Variants in ABCE1 observed in about 807,000 individuals in gnomAD.
ABCE1 encodes ATP-binding cassette sub-family E member 1.
ABCE1 carries 22 observed loss-of-function variants against 83.4 expected under a neutral mutation model. That is an observed-to-expected ratio of 0.26 (90% confidence interval 0.19 to 0.38). The LOEUF is 0.38. Ranked by LOEUF, ABCE1 falls within the 10% of genes least tolerant of loss-of-function variation. The probability of loss-of-function intolerance (pLI) is 1.00; values close to 1 mark genes in which losing one functional copy is unlikely to be tolerated. For missense variants in ABCE1, 330 were observed against 721.9 expected, an observed-to-expected ratio of 0.46 and a Z score of 6.22; for synonymous variants, 204 against 233.7, an observed-to-expected ratio of 0.87 and a Z score of 1.16.
chr4:145,124,727 A>G (rs113047481), intron 16 of ABCE1, among the ~76,000 whole-genome samples: 2 of 152,242 alleles, frequency 1.3e-5, no homozygotes, highest in African/African-American at 4.8e-5. Context: ...TTCTATCTTA[A>G]ATGTTTCTTT....
chr4:145,117,332 C>T lies in ABCE1; in HGVS notation c.840C>T (p.Asp280=). 6.2e-7 allele frequency: 1 copy of T among 1,609,818 alleles called. No individual in the cohort carries two copies. The highest frequency in any genetic ancestry group is 8.5e-7 in the Non-Finnish European group (1 of 1,177,976). ...TGGAACATGATCTAAGTGTATTAGACTATCTCTCCGACTTCATCTGCTGTT... is the reference window on the plus strand; with the variant it reads ...TGGAACATGATCTAAGTGTATTAGATTATCTCTCCGACTTCATCTGCTGTT... ...IVVEHDLSVL[D]YLSDFICCLY... is the part of the protein sequence containing the mutation. The change falls in exon 10 of 18, where the codon GAC becomes GAT. Residue 280 remains aspartate, a synonymous_variant. Coordinates refer to ENST00000296577, the MANE Select transcript of ABCE1 (RefSeq NM_002940.3).
chr4:145,111,999 C>T (rs1579214805), intron 8 of ABCE1, among the ~76,000 whole-genome samples: 2 of 152,126 alleles, frequency 1.3e-5, no homozygotes, highest in Admixed American at 1.3e-4. Context: ...GTAAATTAGC[C>T]TAACCTGGTA....
At chr4:145,111,516 C>T (rs1288366665) in intron 8 of ABCE1, among the ~76,000 whole-genome samples, 2 of 151,998 alleles carry the variant, frequency 1.3e-5, no homozygotes, top group East Asian at 1.9e-4. Flanking sequence ...TTAGTAGAGA[C>T]GGGGTTTCAC....
intron 9 of ABCE1, among the ~76,000 whole-genome samples, chr4:145,115,764 A>G (rs1345705551): frequency 6.6e-6 from 1 of 151,938 alleles, no homozygotes; most frequent in Non-Finnish European, 1.5e-5. Context: ...GGACAGTGCT[A>G]TTTCAGAACC....
intron 8 of ABCE1, among the ~76,000 whole-genome samples, chr4:145,111,799 C>G (rs192924959): frequency 2.6e-5 from 4 of 152,298 alleles, no homozygotes; most frequent in Non-Finnish European, 5.9e-5. Flanking sequence ...TCCTCCCAGA[C>G]ATTTATTGCT....
At chr4:145,126,515 T>G (rs1749893303) in intron 17 of ABCE1, among the ~76,000 whole-genome samples, 1 of 152,164 alleles carries the variant, frequency 6.6e-6, no homozygotes, top group African/African-American at 2.4e-5. Flanking sequence ...CGTGCTAGTC[T>G]TGAACTCCTG....
At position 145,124,858 on chromosome 4, in the gene ABCE1, T is replaced by C. The variant is rs151313632; in HGVS notation, c.1641-132T>C. On this transcript the variant is annotated intron_variant, in intron 16 of 17. Coordinates refer to ENST00000296577, the MANE Select transcript of ABCE1 (RefSeq NM_002940.3). ...ACACAGGATTTGTAATATGCTGTTA[T>C]TATACTGTTATCCAGATGATTTATG... is the stretch of plus-strand genomic sequence containing the variant. 722 of 621,888 alleles carry C rather than the reference T, an allele frequency of 1.2e-3. 5 individuals carry two copies. In the African/African-American group the frequency reaches 0.012, roughly 10 times the overall value. The allele number at this position is 621,888 out of a possible 1,614,324, so 38.5% of individuals were successfully genotyped here. A position where few individuals can be genotyped will look rare whatever the true frequency, so the allele number is the denominator to read the frequency against.
intron 9 of ABCE1, among the ~76,000 whole-genome samples, chr4:145,114,753 A>G (rs576563401): frequency 3.5e-4 from 53 of 152,152 alleles, no homozygotes; most frequent in African/African-American, 1.2e-3. Context: ...TGTAATAGGG[A>G]TAACATGGTA....
At chr4:145,112,532 G>T (rs1472727596) in intron 9 of ABCE1, among the ~76,000 whole-genome samples, 1 of 152,162 alleles carries the variant, frequency 6.6e-6, no homozygotes, top group Non-Finnish European at 1.5e-5. Flanking sequence ...CTTCCAGGGA[G>T]CTTAGGAATA....
At position 145,110,243 on chromosome 4, in the gene ABCE1, C is replaced by A; in HGVS notation, c.543+3C>A. ...ACCAGATTCCTAAGGCTGCAAAGGTCGGTTTTTGATAGAGGGAACTTAACG... is the reference window on the plus strand; with the variant it reads ...ACCAGATTCCTAAGGCTGCAAAGGTAGGTTTTTGATAGAGGGAACTTAACG... On this transcript the variant is annotated splice_donor_region_variant and intron_variant, in intron 6 of 17. Transcript: ENST00000296577. 6.3e-7 allele frequency: 1 copy of A among 1,597,540 alleles called. No individual in the cohort carries two copies. Among genetic ancestry groups the A allele is most frequent in the South Asian group, 1.2e-5 (1 of 86,780 alleles).
In ABCE1 at chr4:145,123,012, T is replaced by G. The variant is rs1560965391; in HGVS notation, c.1264-9T>G. 1.3e-6 allele frequency: 2 copies of G among 1,533,822 alleles called. No homozygotes were observed. Among genetic ancestry groups the G allele is most frequent in the Non-Finnish European group, 1.8e-6 (2 of 1,134,928 alleles). On this transcript the variant is annotated splice_polypyrimidine_tract_variant and intron_variant, in intron 13 of 17. Transcript: ENST00000296577. ...TTATCATTTAAATACTTTTTTATAT[T>G]AAAAACAGGGAAGTGTTCGCCAGTT...
At chr4:145,101,190 G>T (rs1356343125) in intron 1 of ABCE1, among the ~76,000 whole-genome samples, 1 of 152,160 alleles carries the variant, frequency 6.6e-6, no homozygotes, top group Non-Finnish European at 1.5e-5. Flanking sequence ...TTGTGGTAGT[G>T]TAGTTACAAA....
chr4:145,120,145 G>A lies in ABCE1; in HGVS notation c.1136G>A (p.Gly379Glu). 1 of 1,600,986 alleles carries A rather than the reference G, an allele frequency of 6.2e-7. No homozygotes were observed. Among genetic ancestry groups the A allele is most frequent in the African/African-American group, 1.4e-5 (1 of 74,032 alleles). ...GATTCTGAAATTATGGTGATGCTGG[G>A]GGAAAATGGTAAGTTTTCTGTTTTG... is the stretch of plus-strand genomic sequence containing the variant. ...FTDSEIMVML[G>E]ENGTGKTTFI... The change falls in exon 11 of 18, where the codon GGG becomes GAG. Residue 379 changes from glycine to glutamate, a missense_variant. Gly to Glu is a moderately conservative substitution (Grantham distance 98). Coordinates refer to ENST00000296577, the MANE Select transcript of ABCE1 (RefSeq NM_002940.3).
chr4:145,120,906 T>C, intron 11 of ABCE1: 1 of 369,916 alleles, frequency 2.7e-6, no homozygotes, highest in Non-Finnish European at 4.9e-6. Flanking sequence ...CTTTTCAAAC[T>C]ATTGCAGGAT....
chr4:145,119,248 T>C (rs1749679801), intron 10 of ABCE1, among the ~76,000 whole-genome samples: 1 of 151,970 alleles, frequency 6.6e-6, no homozygotes, highest in South Asian at 2.1e-4. Flanking sequence ...TAGGAAACAC[T>C]GAAATATGGA....
intron 3 of ABCE1, among the ~76,000 whole-genome samples, chr4:145,106,856 G>A (rs887732759): frequency 2.0e-5 from 3 of 152,122 alleles, no homozygotes; most frequent in Admixed American, 6.5e-5. Context: ...TGGTTAGAGG[G>A]TGGAAATTAC....
chr4:145,102,127 T>C (rs1411762799), intron 1 of ABCE1, among the ~76,000 whole-genome samples: 2 of 152,132 alleles, frequency 1.3e-5, no homozygotes, highest in Non-Finnish European at 2.9e-5. Context: ...GAAAAGTGTT[T>C]ATTTGTGTCA....
In ABCE1 at chr4:145,113,615, T is replaced by C. The variant is rs745749417; in HGVS notation, c.800+1287T>C. ...CGGTCCGCAAATTAGCCAGCACATA[T>C]TATATGGCAGCAGGATTCAAGAACT... On this transcript the variant is annotated intron_variant, in intron 9 of 17. Transcript: ENST00000296577. 1.3e-5 allele frequency among the ~76,000 whole-genome samples: 2 copies of C among 152,246 alleles called. 1 individual carries two copies. Among genetic ancestry groups the C allele is most frequent in the Admixed American group, 1.3e-4 (2 of 15,288 alleles).
chr4:145,119,810 A>T (rs1414326021), intron 10 of ABCE1, 122 bp from the exon 11 acceptor site: 2 of 671,084 alleles, frequency 3.0e-6, no homozygotes, highest in Non-Finnish European at 5.1e-6. Flanking sequence ...CTTTATATGC[A>T]GACCAACATG....
Sources: gnomAD v4.1 joint callset for allele counts (sites outside exome capture counted in the v4.1 genomes callset) on GRCh38, gnomAD v4.1.1 for gene constraint, MANE v1.5 for transcripts, NCBI Gene and HGNC (gene_info 2026-07-23, HGNC 2026-07-21) for gene names.